The following CCDC158 variants were observed in gnomAD, a reference collection of about 807,000 sequenced individuals.
The protein encoded by CCDC158 is coiled-coil domain-containing protein 158.
A neutral mutation model predicts 138.6 loss-of-function variants in CCDC158; 116 were observed. The observed-to-expected ratio is 0.84, with a 90% CI of 0.72 to 0.98. CCDC158 has a LOEUF of 0.98. Ranked by LOEUF, CCDC158 falls within the 50% of genes least tolerant of loss-of-function variation. The pLI, the probability that CCDC158 is intolerant of heterozygous loss-of-function variation, is 0.00. For synonymous variants in CCDC158, 436 were observed against 442.4 expected (o/e 0.99, Z 0.18); for missense variants, 1,265 against 1,306.1 (o/e 0.97, Z 0.48).
chr4:76,334,602 C>T (rs1158025980), intron 18 of CCDC158, among the ~76,000 whole-genome samples: 1 of 152,186 alleles, frequency 6.6e-6, no homozygotes. Context: ...CTACTCCCCA[C>T]ATCTTACTGA....
intron 12 of CCDC158, among the ~76,000 whole-genome samples, chr4:76,364,641 A>C (rs1276444277): frequency 6.6e-6 from 1 of 152,216 alleles, no homozygotes; most frequent in African/African-American, 2.4e-5. Flanking sequence ...TGTCACTTAC[A>C]CTGTATTTCT....
intron 1 of CCDC158, among the ~76,000 whole-genome samples, chr4:76,420,070 A>C (rs990909496): frequency 6.6e-6 from 1 of 151,678 alleles, no homozygotes; most frequent in African/African-American, 2.4e-5. Context: ...CATGGAAACC[A>C]TTTCACCCAC....
At chr4:76,415,906 G>T (rs952209616) in intron 1 of CCDC158, among the ~76,000 whole-genome samples, 4 of 152,166 alleles carry the variant, frequency 2.6e-5, no homozygotes, top group Admixed American at 6.5e-5. Flanking sequence ...TTCCCCGGGG[G>T]AGTTTAGAGA....
intron 14 of CCDC158, among the ~76,000 whole-genome samples, chr4:76,356,311 G>A (rs1384331740): frequency 1.3e-5 from 2 of 152,058 alleles, no homozygotes; most frequent in Non-Finnish European, 2.9e-5. Flanking sequence ...CCACTTTGAA[G>A]AATTATGGTC....
chr4:76,366,208 G>C (rs903342932), intron 12 of CCDC158, among the ~76,000 whole-genome samples: 1 of 152,130 alleles, frequency 6.6e-6, no homozygotes, highest in Admixed American at 6.5e-5. Flanking sequence ...TGGCCATTGA[G>C]AATCCTTTCT....
intron 1 of CCDC158, among the ~76,000 whole-genome samples, chr4:76,417,797 C>G (rs1392433505): frequency 1.3e-5 from 2 of 152,116 alleles, no homozygotes; most frequent in Non-Finnish European, 2.9e-5. Flanking sequence ...AAGGGGTCAG[C>G]CTCACAGTGG....
intron 15 of CCDC158, 63 bp downstream of exon 15, chr4:76,355,261 C>G (rs992647014): frequency 1.2e-5 from 12 of 1,017,578 alleles, no homozygotes; most frequent in Non-Finnish European, 1.9e-5. Flanking sequence ...TCATCTTATT[C>G]TGCCTCGTGG....
intron 24 of CCDC158, among the ~76,000 whole-genome samples, chr4:76,315,861 A>G (rs904110186): frequency 1.3e-5 from 2 of 152,202 alleles, no homozygotes; most frequent in African/African-American, 4.8e-5. Flanking sequence ...TAGATGTGCA[A>G]GAACAATAAT....
intron 8 of CCDC158, 72 bp from the exon 9 acceptor site, chr4:76,379,476 G>T: frequency 1.3e-6 from 1 of 793,644 alleles, no homozygotes; most frequent in Non-Finnish European, 1.9e-6. Context: ...GAGTATTCTA[G>T]CTTTTTGACA....
chr4:76,403,082 T>C (rs968707113), intron 3 of CCDC158, 56 bp downstream of exon 3: 1 of 1,235,042 alleles, frequency 8.1e-7, no homozygotes, highest in Non-Finnish European at 1.2e-6. Flanking sequence ...GCAGCTTGAA[T>C]GAATATCATG....
intron 23 of CCDC158, among the ~76,000 whole-genome samples, chr4:76,323,979 T>C (rs1560782866): frequency 1.3e-5 from 2 of 152,194 alleles, no homozygotes; most frequent in African/African-American, 2.4e-5. Context: ...AGCTATTCTC[T>C]TACCAGTATG....
At chr4:76,408,280 G>T (rs1353102028) in intron 2 of CCDC158, among the ~76,000 whole-genome samples, 3 of 151,870 alleles carry the variant, frequency 2.0e-5, no homozygotes, top group Non-Finnish European at 4.4e-5. Context: ...TTGGTGAGCT[G>T]CACCCATTAA....
chr4:76,377,159 T>C (rs926166668), intron 9 of CCDC158, among the ~76,000 whole-genome samples: 1 of 152,230 alleles, frequency 6.6e-6, no homozygotes, highest in Admixed American at 6.5e-5. Context: ...CATGATACTG[T>C]ATATTGGACC....
At chr4:76,357,663 A>G (rs1723710983) in intron 13 of CCDC158, 137 bp from the exon 14 acceptor site, 2 of 596,714 alleles carry the variant, frequency 3.4e-6, no homozygotes, top group Non-Finnish European at 5.4e-6. Context: ...TTCCTTTGTT[A>G]CAGAAATGAG....
At position 76,383,658 on chromosome 4, in the gene CCDC158, C is replaced by G; in HGVS notation, c.803+4G>C. 6.2e-7 allele frequency: 1 copy of G among 1,608,648 alleles called. No individual in the cohort carries two copies. Among genetic ancestry groups the G allele is most frequent in the Non-Finnish European group, 8.5e-7 (1 of 1,175,242 alleles). ...GCTTTTCCATACCTCAGTCAGAAAC[C>G]TACCTATCTTGGTGTTGTTGCAGAA... On this transcript the variant is annotated splice_donor_region_variant and intron_variant, in intron 7 of 24. Coordinates refer to ENST00000682701, the MANE Select transcript of CCDC158 (RefSeq NM_001394954.1).
At chr4:76,396,733 T>A (rs1727851033) in intron 3 of CCDC158, among the ~76,000 whole-genome samples, 2 of 151,894 alleles carry the variant, frequency 1.3e-5, no homozygotes, top group Admixed American at 1.3e-4. Flanking sequence ...GGTGAAACCA[T>A]GGTCTGGTCT....
intron 24 of CCDC158, among the ~76,000 whole-genome samples, chr4:76,321,142 T>C (rs1305658085): frequency 6.6e-6 from 1 of 151,918 alleles, no homozygotes; most frequent in Non-Finnish European, 1.5e-5. Flanking sequence ...ACACAAATGG[T>C]CAACAAACAT....
chr4:76,361,378 C>G (rs1724120695), intron 13 of CCDC158, among the ~76,000 whole-genome samples: 1 of 152,082 alleles, frequency 6.6e-6, no homozygotes, highest in African/African-American at 2.4e-5. Flanking sequence ...CTGGCTAACA[C>G]AGTGAAACCC....
chr4:76,357,603 T>A (rs906281323), intron 13 of CCDC158, 77 bp from the exon 14 acceptor site: 1 of 949,460 alleles, frequency 1.1e-6, no homozygotes, highest in African/African-American at 1.7e-5. Flanking sequence ...TTATTTGTAA[T>A]TAATGATCAC....
Sources: allele counts gnomAD v4.1 joint callset (sites outside exome capture counted in the v4.1 genomes callset), GRCh38; gene constraint gnomAD v4.1.1; transcripts MANE v1.5; gene names NCBI Gene and HGNC (gene_info 2026-07-23, HGNC 2026-07-21).